SIAH3: variants seen among roughly 807,000 people sequenced by gnomAD.
SIAH3 encodes siah E3 ubiquitin protein ligase family member 3.
Under a neutral mutation model 12.6 loss-of-function variants are expected in SIAH3, and 9 were observed. The ratio of observed to expected loss-of-function variants is 0.72; its 90% CI spans 0.43 to 1.25. The LOEUF (loss-of-function observed/expected upper bound fraction) is 1.25, where lower values mean the gene tolerates loss of function less well. SIAH3 is among the 50% of genes most tolerant of loss of function. The pLI, the probability that SIAH3 is intolerant of heterozygous loss-of-function variation, is 0.00. For missense variants in SIAH3, 390 were observed against 365.4 expected (o/e 1.07, Z -0.55); for synonymous variants, 154 against 151.1 (o/e 1.02, Z -0.14).
Position 45,777,529 on chromosome 13 carries a change from A to G in SIAH3, c.*5854T>C, listed in dbSNP as rs986927255. Reference sequence around the variant, plus strand: ...GGAAAAGACAAATTCTAACCCAGGTAGTTCATGTGATGACCTGATTTGGGG... The same window carrying G: ...GGAAAAGACAAATTCTAACCCAGGTGGTTCATGTGATGACCTGATTTGGGG... On this transcript the variant is annotated 3_prime_UTR_variant, in exon 2 of 2. Coordinates refer to ENST00000400405, the MANE Select transcript of SIAH3 (RefSeq NM_198849.3). 5.3e-5 allele frequency: 8 copies of G among 152,194 alleles called. No individual in the cohort carries two copies. The highest frequency in any genetic ancestry group is 1.9e-4 in the African/African-American group (8 of 41,448). 9.4% of individuals were successfully genotyped at this position (152,194 alleles called of 1,614,324 possible). A position where few individuals can be genotyped will look rare whatever the true frequency, so the allele number is the denominator to read the frequency against.
intron 1 of SIAH3, among the ~76,000 whole-genome samples, chr13:45,797,551 T>C (rs1480064033): frequency 6.6e-6 from 1 of 152,168 alleles, no homozygotes; most frequent in Non-Finnish European, 1.5e-5. Flanking sequence ...AAACTCTCCA[T>C]TCATGAGTCT....
At chr13:45,830,302 CA>C (rs1374419511) in intron 1 of SIAH3, among the ~76,000 whole-genome samples, 9 of 152,138 alleles carry the variant, frequency 5.9e-5, no homozygotes, top group Non-Finnish European at 5.9e-5. Flanking sequence ...GGATACCTGT[CA>C]GGGGCATGCA....
chr13:45,792,374 T>TTG (rs1950548420), intron 1 of SIAH3, among the ~76,000 whole-genome samples: 2 of 151,568 alleles, frequency 1.3e-5, no homozygotes, highest in South Asian at 4.2e-4. Flanking sequence ...TTTTTTTTTT[T>TTG]GAGATGGAGT....
intron 1 of SIAH3, among the ~76,000 whole-genome samples, chr13:45,835,711 C>T (rs1050279451): frequency 5.9e-5 from 9 of 152,118 alleles, no homozygotes; most frequent in African/African-American, 2.2e-4. Context: ...TATCATCTAC[C>T]CCATCTGTGA....
At chr13:45,807,891 CAG>C (rs1950603381) in intron 1 of SIAH3, among the ~76,000 whole-genome samples, 1 of 152,170 alleles carries the variant, frequency 6.6e-6, no homozygotes, top group African/African-American at 2.4e-5. Flanking sequence ...ATTAAACAAA[CAG>C]AATTAAATAA....
intron 1 of SIAH3, among the ~76,000 whole-genome samples, chr13:45,808,249 G>A (rs114081950): frequency 0.022 from 3,246 of 149,644 alleles, 124 homozygotes; most frequent in African/African-American, 0.074. Flanking sequence ...AAAGTGTCCT[G>A]GTATATAGGT....
At chr13:45,850,041 T>C (rs1029457843) in intron 1 of SIAH3, among the ~76,000 whole-genome samples, 8 of 151,950 alleles carry the variant, frequency 5.3e-5, no homozygotes, top group Non-Finnish European at 8.8e-5. Flanking sequence ...AACTAAGCTA[T>C]AAAAGAAAAA....
At chr13:45,798,372 T>A (rs553142479) in intron 1 of SIAH3, among the ~76,000 whole-genome samples, 7 of 152,216 alleles carry the variant, frequency 4.6e-5, no homozygotes, top group African/African-American at 1.4e-4. Flanking sequence ...TCACTCACCA[T>A]GTGCTGTGGG....
intron 1 of SIAH3, among the ~76,000 whole-genome samples, chr13:45,845,853 T>C (rs544671295): frequency 1.3e-5 from 2 of 152,232 alleles, no homozygotes; most frequent in African/African-American, 4.8e-5. Context: ...TTAGAAGCTC[T>C]AATTTGTGAA....
rs536253697 is a variant in SIAH3, at chr13:45,848,778, T to C, written c.135+2717A>G. 2.6e-5 allele frequency among the ~76,000 whole-genome samples: 4 copies of C among 152,318 alleles called. No homozygotes were observed. The East Asian group carries it at 7.7e-4, about 29-fold the overall frequency. On this transcript the variant is annotated intron_variant, in intron 1 of 1. Coordinates refer to ENST00000400405, the MANE Select transcript of SIAH3 (RefSeq NM_198849.3). ...CATAAAATTGAAAGCAAGGTTGCAG[T>C]CTCTCTGTCCTTGGTCACCATTTCA... is the stretch of plus-strand genomic sequence containing the variant.
At chr13:45,845,234 C>T (rs1950754722) in intron 1 of SIAH3, among the ~76,000 whole-genome samples, 1 of 147,862 alleles carries the variant, frequency 6.8e-6, no homozygotes, top group Non-Finnish European at 1.5e-5. Flanking sequence ...TGCATTATCA[C>T]AATGTTGACT....
At chr13:45,816,955 C>G (rs867180075) in intron 1 of SIAH3, among the ~76,000 whole-genome samples, 32 of 152,306 alleles carry the variant, frequency 2.1e-4, no homozygotes, top group Middle Eastern at 6.8e-3. Flanking sequence ...TTGCACCAGG[C>G]AATGGGATGC....
intron 1 of SIAH3, among the ~76,000 whole-genome samples, chr13:45,839,480 T>C (rs1337244717): frequency 6.6e-6 from 1 of 152,208 alleles, no homozygotes; most frequent in East Asian, 1.9e-4. Flanking sequence ...CAGGATAATT[T>C]TGAATTGAGC....
At chr13:45,834,677 A>C (rs983126576) in intron 1 of SIAH3, among the ~76,000 whole-genome samples, 3 of 152,238 alleles carry the variant, frequency 2.0e-5, no homozygotes, top group Admixed American at 1.3e-4. Flanking sequence ...ACCTAGAGTC[A>C]AGCCCGCAAA....
At chr13:45,829,817 A>G (rs1195264321) in intron 1 of SIAH3, among the ~76,000 whole-genome samples, 2 of 151,236 alleles carry the variant, frequency 1.3e-5, no homozygotes, top group East Asian at 1.9e-4. Flanking sequence ...AATAAATCTC[A>G]CTCCTATTTA....
intron 1 of SIAH3, among the ~76,000 whole-genome samples, chr13:45,811,775 C>T (rs769102275): frequency 1.2e-4 from 18 of 152,212 alleles, no homozygotes; most frequent in Non-Finnish European, 2.2e-4. Flanking sequence ...CTTTATCTTT[C>T]CAAGTATGCC....
In SIAH3 at chr13:45,795,779, G is replaced by T. The variant is rs150537311; in HGVS notation, c.136-11722C>A. Among the ~76,000 whole-genome samples the T allele has an allele frequency of 7.9e-5, 12 of 152,232 alleles. No homozygotes were observed. In the East Asian group the frequency reaches 2.1e-3, roughly 27 times the overall value. On this transcript the variant is annotated intron_variant, in intron 1 of 1. Coordinates refer to ENST00000400405, the MANE Select transcript of SIAH3 (RefSeq NM_198849.3). ...TTATGTGATCAGAAAACCTGCACACGAATGTTTACAGCAGCACTAATTCAT... is the reference window on the plus strand; with the variant it reads ...TTATGTGATCAGAAAACCTGCACACTAATGTTTACAGCAGCACTAATTCAT...
At chr13:45,801,418 T>G (rs1304837380) in intron 1 of SIAH3, among the ~76,000 whole-genome samples, 7 of 151,924 alleles carry the variant, frequency 4.6e-5, no homozygotes, top group African/African-American at 1.5e-4. Flanking sequence ...CAAGGAGAAA[T>G]GAGGCTAAGT....
At chr13:45,799,558 T>C (rs1472881770) in intron 1 of SIAH3, among the ~76,000 whole-genome samples, 3 of 152,184 alleles carry the variant, frequency 2.0e-5, no homozygotes, top group Non-Finnish European at 2.9e-5. Context: ...GGTATCATTA[T>C]CACAAGTAGT....
Sources: allele counts gnomAD v4.1 joint callset (sites outside exome capture counted in the v4.1 genomes callset), GRCh38; gene constraint gnomAD v4.1.1; transcripts MANE v1.5; gene names NCBI Gene and HGNC (gene_info 2026-07-23, HGNC 2026-07-21).